The following ZBTB20 variants were observed in gnomAD, a reference collection of about 807,000 sequenced individuals.
ZBTB20 encodes zinc finger and BTB domain containing 20.
Under a neutral mutation model 56.9 loss-of-function variants are expected in ZBTB20, and 9 were observed. That is an observed-to-expected ratio of 0.16 (90% confidence interval 0.10 to 0.28). The LOEUF (loss-of-function observed/expected upper bound fraction) is 0.28, where lower values mean the gene tolerates loss of function less well. ZBTB20 is among the 10% of genes least tolerant of loss of function. The pLI, the probability that ZBTB20 is intolerant of heterozygous loss-of-function variation, is 1.00. For missense variants in ZBTB20, 655 were observed against 1,003.0 expected (o/e 0.65, Z 4.69); for synonymous variants, 417 against 420.7 (o/e 0.99, Z 0.11).
intron 4 of ZBTB20, among the ~76,000 whole-genome samples, chr3:114,840,649 A>C (rs1284978653): frequency 2.6e-5 from 4 of 152,226 alleles, no homozygotes; most frequent in Non-Finnish European, 5.9e-5. Context: ...TGTTAGTCTC[A>C]GAAAATTGAC....
chr3:114,374,175 C>T (rs747465798), intron 10 of ZBTB20, among the ~76,000 whole-genome samples: 9 of 152,158 alleles, frequency 5.9e-5, no homozygotes, highest in East Asian at 3.9e-4. Flanking sequence ...CTTTTTAAAA[C>T]GGGAAAGACT....
Position 114,644,807 on chromosome 3 carries a change from A to G in ZBTB20, c.-295+48721T>C, listed in dbSNP as rs192471679. Among the ~76,000 whole-genome samples the G allele has an allele frequency of 2.0e-5, 3 of 152,282 alleles. No individual in the cohort carries two copies. In the East Asian group the frequency reaches 5.8e-4, roughly 29 times the overall value. Reference sequence around the variant, plus strand: ...CTAAAATAAAAGTTGAAATTTTAATAAAGATGGAACTAATCCCTCATATCA... The same window carrying G: ...CTAAAATAAAAGTTGAAATTTTAATGAAGATGGAACTAATCCCTCATATCA... On this transcript the variant is annotated intron_variant, in intron 6 of 11. Transcript: ENST00000675478.
intron 6 of ZBTB20, among the ~76,000 whole-genome samples, chr3:114,626,338 T>C (rs1291837483): frequency 6.6e-6 from 1 of 152,252 alleles, no homozygotes; most frequent in African/African-American, 2.4e-5. Context: ...AATAATATTA[T>C]CATCCTCATG....
chr3:114,812,529 C>T (rs1447806064), intron 4 of ZBTB20, among the ~76,000 whole-genome samples: 1 of 152,194 alleles, frequency 6.6e-6, no homozygotes, highest in Non-Finnish European at 1.5e-5. Flanking sequence ...CAAGTCCCCA[C>T]CAGAGTAGCC....
At chr3:114,988,868 T>C (rs947478244) in intron 2 of ZBTB20, among the ~76,000 whole-genome samples, 5 of 152,366 alleles carry the variant, frequency 3.3e-5, no homozygotes, top group African/African-American at 1.2e-4. Context: ...TGAGCATTTT[T>C]TCATGTCTCT....
intron 10 of ZBTB20, among the ~76,000 whole-genome samples, chr3:114,374,399 A>G (rs1421361208): frequency 6.6e-6 from 1 of 152,246 alleles, no homozygotes; most frequent in Admixed American, 6.5e-5. Context: ...TAGAAAATTA[A>G]TAACAAGCCA....
At chr3:114,583,784 T>C (rs1183632894) in intron 6 of ZBTB20, among the ~76,000 whole-genome samples, 6 of 152,222 alleles carry the variant, frequency 3.9e-5, no homozygotes, top group East Asian at 1.9e-4. Flanking sequence ...GTTACTATAA[T>C]AGCAAATGTT....
At chr3:114,542,638 G>GT (rs1192652242) in intron 6 of ZBTB20, among the ~76,000 whole-genome samples, 1 of 152,078 alleles carries the variant, frequency 6.6e-6, no homozygotes, top group Non-Finnish European at 1.5e-5. Flanking sequence ...AAGGAAATTT[G>GT]TTTTTTTCCT....
intron 6 of ZBTB20, among the ~76,000 whole-genome samples, chr3:114,677,724 A>G (rs2061714082): frequency 6.6e-6 from 1 of 151,624 alleles, no homozygotes; most frequent in Admixed American, 6.6e-5. Flanking sequence ...AATTTGAAAA[A>G]TATATATATA....
In ZBTB20 at chr3:114,399,154, A is replaced by G. The variant is rs554254804; in HGVS notation, c.-254-10049T>C. Among the ~76,000 whole-genome samples, 48 of 152,186 alleles carry G rather than the reference A, an allele frequency of 3.2e-4. No individual in the cohort carries two copies. In the Middle Eastern group the frequency reaches 0.01, roughly 32 times the overall value. On this transcript the variant is annotated intron_variant, in intron 7 of 11. Transcript: ENST00000675478. ...CTACGACTAGAAGTTTGGTCTCTTG[A>G]TGCTTAGTCAGGGAGTTTTATTATG... is the stretch of plus-strand genomic sequence containing the variant.
chr3:114,774,754 A>T (rs1443292134), intron 5 of ZBTB20, among the ~76,000 whole-genome samples: 8 of 152,152 alleles, frequency 5.3e-5, no homozygotes, highest in Non-Finnish European at 1.0e-4. Context: ...CTCCTTCTTT[A>T]AAAAATAAGA....
intron 2 of ZBTB20, among the ~76,000 whole-genome samples, chr3:114,996,199 TTTTTC>T (rs2079018900): frequency 6.6e-6 from 1 of 151,808 alleles, no homozygotes; most frequent in Non-Finnish European, 1.5e-5. Context: ...AAATCTTATT[TTTTTC>T]TTTTCTTTTT....
chr3:114,424,525 T>C (rs995522276), intron 7 of ZBTB20, among the ~76,000 whole-genome samples: 1 of 152,184 alleles, frequency 6.6e-6, no homozygotes, highest in Non-Finnish European at 1.5e-5. Context: ...CGTTCACTGC[T>C]TTGAAAGTTG....
At chr3:114,861,547 ATAAC>A (rs2075529639) in intron 4 of ZBTB20, among the ~76,000 whole-genome samples, 1 of 152,168 alleles carries the variant, frequency 6.6e-6, no homozygotes, top group Admixed American at 6.5e-5. Context: ...ATGTGGAAGA[ATAAC>A]TATTCCAGGA....
rs1319291994 is a variant in ZBTB20 at position 114,603,315 on chromosome 3, AG to A, written c.-295+90212del. 3.9e-5 allele frequency among the ~76,000 whole-genome samples: 6 copies of A among 152,176 alleles called. No individual in the cohort carries two copies. The East Asian group carries it at 1.2e-3, about 29-fold the overall frequency. ...TTTAGTGTACTATGCAAATTATAGT[AG>A]GTCCACCACAGCTTATCAAGTTCTG... On this transcript the variant is annotated intron_variant, in intron 6 of 11. Transcript: ENST00000675478.
intron 4 of ZBTB20, among the ~76,000 whole-genome samples, chr3:114,868,857 G>C (rs2107528451): frequency 6.6e-6 from 1 of 152,222 alleles, no homozygotes; most frequent in Non-Finnish European, 1.5e-5. Context: ...TACTGTGCAG[G>C]TGGAAGAGGG....
intron 6 of ZBTB20, among the ~76,000 whole-genome samples, chr3:114,530,878 A>T (rs1184500785): frequency 6.6e-6 from 1 of 151,768 alleles, no homozygotes; most frequent in East Asian, 1.9e-4. Context: ...CCTATTCTCT[A>T]TCTCTAGTTT....
intron 6 of ZBTB20, among the ~76,000 whole-genome samples, chr3:114,559,182 T>C (rs1351164976): frequency 1.3e-5 from 2 of 152,162 alleles, no homozygotes; most frequent in Non-Finnish European, 2.9e-5. Flanking sequence ...GCTGAGTGAA[T>C]GAATAAATTA....
intron 2 of ZBTB20, among the ~76,000 whole-genome samples, chr3:115,054,792 T>C (rs1045116577): frequency 2.6e-5 from 4 of 152,150 alleles, no homozygotes; most frequent in African/African-American, 9.7e-5. Context: ...CCTACATGTA[T>C]TCATAAAAGT....
Sources: allele counts gnomAD v4.1 joint callset (sites outside exome capture counted in the v4.1 genomes callset), GRCh38; gene constraint gnomAD v4.1.1; transcripts MANE v1.5; gene names NCBI Gene and HGNC (gene_info 2026-07-23, HGNC 2026-07-21).